The following PDE7B variants were observed in gnomAD, a reference collection of about 807,000 sequenced individuals.
PDE7B encodes the protein phosphodiesterase 7B.
PDE7B carries 29 observed loss-of-function variants against 56.2 expected under a neutral mutation model. That is an observed-to-expected ratio of 0.52 (90% CI 0.38 to 0.70). The LOEUF (loss-of-function observed/expected upper bound fraction) is 0.70, where lower values mean the gene tolerates loss of function less well. Among genes scored for constraint, PDE7B ranks in the 30% least tolerant of loss-of-function variants. The probability of loss-of-function intolerance (pLI) is 0.00; values close to 1 mark genes in which losing one functional copy is unlikely to be tolerated. For synonymous variants in PDE7B, 197 were observed against 196.9 expected, an observed-to-expected ratio of 1.00 and a Z score of 0.00; for missense variants, 490 against 565.0, an observed-to-expected ratio of 0.87 and a Z score of 1.35.
intron 2 of PDE7B, among the ~76,000 whole-genome samples, chr6:135,969,117 C>A (rs968160483): frequency 6.6e-6 from 1 of 152,046 alleles, no homozygotes; most frequent in Non-Finnish European, 1.5e-5. Context: ...AGGGGAACAA[C>A]ACACATTGGG....
intron 8 of PDE7B, among the ~76,000 whole-genome samples, chr6:136,157,681 G>C (rs77223568): frequency 6.6e-6 from 1 of 152,172 alleles, no homozygotes; most frequent in Non-Finnish European, 1.5e-5. Context: ...GGAAGATGGG[G>C]GAAGGAGAAA....
intron 2 of PDE7B, among the ~76,000 whole-genome samples, chr6:136,098,307 A>G (rs1349273657): frequency 6.6e-6 from 1 of 152,062 alleles, no homozygotes; most frequent in African/African-American, 2.4e-5. Context: ...AGATCAGAAG[A>G]ATATCTTTTC....
chr6:136,018,083 A>G (rs1457071108), intron 2 of PDE7B, among the ~76,000 whole-genome samples: 1 of 152,228 alleles, frequency 6.6e-6, no homozygotes, highest in East Asian at 1.9e-4. Flanking sequence ...GGATTTAAAA[A>G]GTCATAGCTG....
At chr6:136,007,569 A>G (rs755584693) in intron 2 of PDE7B, among the ~76,000 whole-genome samples, 2 of 152,006 alleles carry the variant, frequency 1.3e-5, no homozygotes, top group Non-Finnish European at 1.5e-5. Context: ...AATGAGGATG[A>G]CATGTAGCTG....
intron 2 of PDE7B, among the ~76,000 whole-genome samples, chr6:136,082,369 G>A (rs1198246571): frequency 6.6e-6 from 1 of 152,174 alleles, no homozygotes; most frequent in Admixed American, 6.5e-5. Flanking sequence ...AGAAATGGGA[G>A]CAAACCTGTC....
At chr6:135,926,135 G>A (rs1199558670) in intron 1 of PDE7B, among the ~76,000 whole-genome samples, 2 of 140,314 alleles carry the variant, frequency 1.4e-5, no homozygotes, top group Admixed American at 7.6e-5. Flanking sequence ...CGCCCAGGCT[G>A]CAGTGCAGTG....
intron 2 of PDE7B, among the ~76,000 whole-genome samples, chr6:136,058,876 G>T (rs944051461): frequency 1.1e-4 from 16 of 152,002 alleles, no homozygotes; most frequent in African/African-American, 3.9e-4. Context: ...ACACTGATTT[G>T]GGGGGAAAAA....
rs542656528 is a variant in PDE7B at position 136,107,671 on chromosome 6, A to G, written c.83-1060A>G. ...TAAATGAGGCGTCTGAGGCTCAGAG[A>G]AATAAATCTGCCAAGATCACACAAG... On this transcript the variant is annotated intron_variant, in intron 2 of 12. Coordinates refer to ENST00000308191, the MANE Select transcript of PDE7B (RefSeq NM_018945.4). 7.2e-5 allele frequency among the ~76,000 whole-genome samples: 11 copies of G among 152,284 alleles called. No individual in the cohort carries two copies. The East Asian group carries it at 1.2e-3, about 16-fold the overall frequency.
At chr6:135,928,465 T>TTATA in intron 1 of PDE7B, among the ~76,000 whole-genome samples, 1 of 75,572 alleles carries the variant, frequency 1.3e-5, no homozygotes, top group African/African-American at 5.4e-5. Context: ...ATATATATAT[T>TTATA]TATTTATATA....
At chr6:135,968,902 A>T (rs1281845744) in intron 2 of PDE7B, among the ~76,000 whole-genome samples, 1 of 152,216 alleles carries the variant, frequency 6.6e-6, no homozygotes, top group South Asian at 2.1e-4. Flanking sequence ...TCAATCAATG[A>T]TAGCCAGGAT....
chr6:136,087,893 A>C (rs1256786781), intron 2 of PDE7B, among the ~76,000 whole-genome samples: 1 of 152,220 alleles, frequency 6.6e-6, no homozygotes, highest in Non-Finnish European at 1.5e-5. Context: ...TCTTAGAACT[A>C]TCTATCTTGG....
At chr6:136,118,561 G>C (rs1198199467) in intron 3 of PDE7B, among the ~76,000 whole-genome samples, 2 of 152,158 alleles carry the variant, frequency 1.3e-5, no homozygotes, top group East Asian at 1.9e-4. Context: ...GACTGAAAGA[G>C]GAGAAATAAC....
chr6:135,994,114 ATC>A (rs1230402723), intron 2 of PDE7B, among the ~76,000 whole-genome samples: 23 of 101,094 alleles, frequency 2.3e-4, no homozygotes, highest in African/African-American at 9.2e-4. Flanking sequence ...CTTGTATTGG[ATC>A]TGTGTGTGTG....
intron 2 of PDE7B, among the ~76,000 whole-genome samples, chr6:136,073,022 T>A (rs1777074109): frequency 6.6e-6 from 1 of 152,158 alleles, no homozygotes; most frequent in South Asian, 2.1e-4. Flanking sequence ...GGGAGTTGTG[T>A]TGCTTGGGGC....
intron 12 of PDE7B, 79 bp from the exon 13 acceptor site, chr6:136,191,535 G>C: frequency 2.5e-6 from 3 of 1,197,376 alleles, no homozygotes; most frequent in Non-Finnish European, 3.6e-6. Context: ...GGCGTGGTGG[G>C]TCCCCAGTCA....
intron 2 of PDE7B, 145 bp downstream of exon 2, chr6:135,947,669 T>G (rs1222413464): frequency 1.6e-6 from 1 of 641,978 alleles, no homozygotes. Flanking sequence ...ATAACACATT[T>G]ATATGTGTAA....
At chr6:135,963,590 A>C (rs190427355) in intron 2 of PDE7B, among the ~76,000 whole-genome samples, 5 of 152,294 alleles carry the variant, frequency 3.3e-5, no homozygotes, top group Admixed American at 3.3e-4. Flanking sequence ...GAAAAATTTT[A>C]ATTTGATTTG....
At chr6:135,980,494 G>C (rs1159490109) in intron 2 of PDE7B, among the ~76,000 whole-genome samples, 3 of 151,152 alleles carry the variant, frequency 2.0e-5, no homozygotes, top group Non-Finnish European at 4.5e-5. Flanking sequence ...TACCATCAGA[G>C]TGAACAGGCA....
chr6:135,906,813 T>TTTTTTTTTGTTGTTGTTTG (rs1776116060), intron 1 of PDE7B, among the ~76,000 whole-genome samples: 3 of 109,294 alleles, frequency 2.7e-5, no homozygotes, highest in African/African-American at 1.6e-4. Context: ...GAGGTTTGTT[T>TTTTTTTTTGTTGTTGTTTG]TTTTTTTTTT....
Sources: allele counts gnomAD v4.1 joint callset (sites outside exome capture counted in the v4.1 genomes callset), GRCh38; gene constraint gnomAD v4.1.1; transcripts MANE v1.5; gene names NCBI Gene and HGNC (gene_info 2026-07-23, HGNC 2026-07-21).